Variants in DDAH1 observed in about 807,000 individuals in gnomAD.
DDAH1 encodes dimethylarginine dimethylaminohydrolase 1, also known as N(G),N(G)-dimethylarginine dimethylaminohydrolase 1.
DDAH1 carries 19 observed loss-of-function variants against 28.8 expected under a neutral mutation model. The ratio of observed to expected loss-of-function variants is 0.66; its 90% CI spans 0.46 to 0.97. DDAH1 has a LOEUF of 0.97. DDAH1 is among the 50% of genes least tolerant of loss of function. DDAH1 has a pLI of 0.00. For synonymous variants in DDAH1, 153 were observed against 154.4 expected, an observed-to-expected ratio of 0.99 and a Z score of 0.07; for missense variants, 326 against 375.9, an observed-to-expected ratio of 0.87 and a Z score of 1.10.
chr1:85,404,756 T>A (rs1652327029), intron 1 of DDAH1, among the ~76,000 whole-genome samples: 1 of 152,182 alleles, frequency 6.6e-6, no homozygotes, highest in Non-Finnish European at 1.5e-5. Flanking sequence ...TCTCTCTCTC[T>A]CAAGTTGAGT....
chr1:85,541,936 G>A (rs962054802), intron 1 of DDAH1, among the ~76,000 whole-genome samples: 1 of 152,162 alleles, frequency 6.6e-6, no homozygotes. Context: ...AGGACTGTGA[G>A]AAATAAATGT....
intron 1 of DDAH1, among the ~76,000 whole-genome samples, chr1:85,536,942 A>C (rs2100780151): frequency 8.5e-6 from 1 of 117,812 alleles, no homozygotes; most frequent in African/African-American, 3.2e-5. Context: ...GATAAAGAAA[A>C]TGTGGCATAT....
At chr1:85,327,934 T>C (rs1294158793) in intron 4 of DDAH1, among the ~76,000 whole-genome samples, 1 of 152,220 alleles carries the variant, frequency 6.6e-6, no homozygotes, top group Non-Finnish European at 1.5e-5. Context: ...AACTGGTTCA[T>C]TTCTTCATTC....
At chr1:85,428,731 G>A (rs1653529792) in intron 1 of DDAH1, among the ~76,000 whole-genome samples, 1 of 152,098 alleles carries the variant, frequency 6.6e-6, no homozygotes, top group Non-Finnish European at 1.5e-5. Context: ...CAGCATGCCT[G>A]TTTACTCCTG....
chr1:85,359,296 C>T (rs1649661689), intron 1 of DDAH1, among the ~76,000 whole-genome samples: 1 of 152,098 alleles, frequency 6.6e-6, no homozygotes, highest in African/African-American at 2.4e-5. Context: ...CTATTGGAGG[C>T]TAACCAGTTA....
chr1:85,339,071 A>G (rs1391734160), intron 4 of DDAH1, among the ~76,000 whole-genome samples: 2 of 151,092 alleles, frequency 1.3e-5, no homozygotes, highest in Admixed American at 1.3e-4. Context: ...AAATATATAT[A>G]TATATGATCT....
At chr1:85,387,787 G>A (rs1651353361) in intron 1 of DDAH1, among the ~76,000 whole-genome samples, 1 of 152,130 alleles carries the variant, frequency 6.6e-6, no homozygotes, top group East Asian at 1.9e-4. Flanking sequence ...ACTGGAGGCT[G>A]GGTAATTTAT....
intron 1 of DDAH1, among the ~76,000 whole-genome samples, chr1:85,521,360 C>A (rs1407894861): frequency 8.9e-4 from 135 of 151,758 alleles, no homozygotes; most frequent in African/African-American, 2.6e-3. Context: ...CTGATTCTTA[C>A]CAGTGTTGTT....
intron 4 of DDAH1, among the ~76,000 whole-genome samples, chr1:85,328,393 G>A (rs1278723136): frequency 1.3e-5 from 2 of 152,240 alleles, no homozygotes; most frequent in Non-Finnish European, 2.9e-5. Context: ...TCATAGTAGA[G>A]TGGGGCTGCC....
intron 4 of DDAH1, among the ~76,000 whole-genome samples, chr1:85,345,715 A>C (rs536247904): frequency 2.6e-5 from 4 of 152,152 alleles, no homozygotes; most frequent in Non-Finnish European, 5.9e-5. Flanking sequence ...AAATTCAAAA[A>C]TTAGCTGGGC....
intron 1 of DDAH1, among the ~76,000 whole-genome samples, chr1:85,565,901 C>T (rs1659283109): frequency 6.6e-6 from 1 of 151,912 alleles, no homozygotes; most frequent in Non-Finnish European, 1.5e-5. Context: ...GCCAACATGG[C>T]AAAACCCTGT....
intron 5 of DDAH1, among the ~76,000 whole-genome samples, chr1:85,322,387 A>G (rs909764577): frequency 1.4e-4 from 22 of 152,266 alleles, no homozygotes; most frequent in African/African-American, 4.8e-4. Context: ...AATAGAAAGC[A>G]TATGTCAAAA....
At chr1:85,379,514 C>T in intron 1 of DDAH1, 3 of 874,276 alleles carry the variant, frequency 3.4e-6, no homozygotes, top group Non-Finnish European at 4.1e-6. Context: ...TTTCCAAAGG[C>T]AAATTTCAAA....
chr1:85,362,891 C>A (rs1386255858), intron 1 of DDAH1, among the ~76,000 whole-genome samples: 1 of 152,038 alleles, frequency 6.6e-6, no homozygotes, highest in Non-Finnish European at 1.5e-5. Context: ...AATAAAACAT[C>A]TTTTAAGTTC....
chr1:85,337,396 T>C (rs1648198162), intron 4 of DDAH1, among the ~76,000 whole-genome samples: 1 of 152,196 alleles, frequency 6.6e-6, no homozygotes, highest in African/African-American at 2.4e-5. Flanking sequence ...TCAAAACTCA[T>C]TGAATTATCC....
At chr1:85,577,100 C>T (rs1035937594) in intron 1 of DDAH1, among the ~76,000 whole-genome samples, 1 of 151,824 alleles carries the variant, frequency 6.6e-6, no homozygotes, top group Non-Finnish European at 1.5e-5. Context: ...ACCGCGGTGA[C>T]TGTGGGCGCG....
chr1:85,406,444 T>G (rs766104864), intron 1 of DDAH1, among the ~76,000 whole-genome samples: 8 of 152,180 alleles, frequency 5.3e-5, no homozygotes, highest in Non-Finnish European at 1.0e-4. Context: ...CTATGATAAA[T>G]TATGAGATTA....
At chr1:85,553,564 G>A (rs1056584939) in intron 1 of DDAH1, among the ~76,000 whole-genome samples, 3 of 152,224 alleles carry the variant, frequency 2.0e-5, no homozygotes, top group Non-Finnish European at 2.9e-5. Flanking sequence ...GGGCACTATT[G>A]CTGACCTAAC....
At chr1:85,424,704 G>GAA (rs1374716824) in intron 1 of DDAH1, among the ~76,000 whole-genome samples, 5 of 151,698 alleles carry the variant, frequency 3.3e-5, no homozygotes, top group African/African-American at 4.8e-5. Flanking sequence ...TTTATCATAG[G>GAA]CATATATACC....
Sources: allele counts gnomAD v4.1 joint callset (sites outside exome capture counted in the v4.1 genomes callset), GRCh38; gene constraint gnomAD v4.1.1; transcripts MANE v1.5; gene names NCBI Gene and HGNC (gene_info 2026-07-23, HGNC 2026-07-21).